CDH18: variants seen among roughly 807,000 people sequenced by gnomAD.
CDH18 encodes the protein cadherin 18.
In CDH18, 31 loss-of-function variants were observed where a neutral mutation model predicts 67.9. That is an observed-to-expected ratio of 0.46 (90% CI 0.34 to 0.62). CDH18 has a LOEUF of 0.62. CDH18 is among the 20% of genes least tolerant of loss of function. CDH18 has a pLI of 0.01. For synonymous variants in CDH18, 362 were observed against 347.2 expected, an observed-to-expected ratio of 1.04 and a Z score of -0.48; for missense variants, 890 against 975.5, an observed-to-expected ratio of 0.91 and a Z score of 1.17.
intron 1 of CDH18, among the ~76,000 whole-genome samples, chr5:20,488,673 T>TTTTA (rs1435006497): frequency 1.6e-5 from 2 of 126,974 alleles, no homozygotes; most frequent in Non-Finnish European, 3.4e-5. Context: ...GGGTAGTGTT[T>TTTTA]TATATATATA....
intron 1 of CDH18, among the ~76,000 whole-genome samples, chr5:20,285,009 A>T (rs1468597866): frequency 2.0e-5 from 3 of 151,794 alleles, no homozygotes; most frequent in African/African-American, 7.2e-5. Flanking sequence ...AAGTCAATAC[A>T]TCATAGAAAT....
intron 2 of CDH18, among the ~76,000 whole-genome samples, chr5:19,919,037 T>C (rs1169145980): frequency 6.6e-6 from 1 of 152,020 alleles, no homozygotes; most frequent in Non-Finnish European, 1.5e-5. Flanking sequence ...GGAGATTGAG[T>C]AAATCACTAA....
rs1478029724 is a variant in CDH18, at chr5:19,661,087, C to T, written c.644-48486G>A. Among the ~76,000 whole-genome samples the T allele has an allele frequency of 2.0e-5, 3 of 151,838 alleles. No homozygotes were observed. The East Asian group carries it at 5.8e-4, about 29-fold the overall frequency. On this transcript the variant is annotated intron_variant, in intron 5 of 12. Coordinates refer to ENST00000382275, the MANE Select transcript of CDH18 (RefSeq NM_004934.5). Reference sequence around the variant, plus strand: ...AAAAGACAAAGATAAAACAGTAGATCTTGTGACAAGCATATCGATTACACC... The same window carrying T: ...AAAAGACAAAGATAAAACAGTAGATTTTGTGACAAGCATATCGATTACACC...
At chr5:20,354,802 A>G (rs1393328930) in intron 1 of CDH18, among the ~76,000 whole-genome samples, 1 of 152,204 alleles carries the variant, frequency 6.6e-6, no homozygotes, top group Non-Finnish European at 1.5e-5. Flanking sequence ...TGAAAGGACA[A>G]TCAGAGATCT....
At chr5:20,546,068 C>A (rs1757325669) in intron 1 of CDH18, among the ~76,000 whole-genome samples, 1 of 152,134 alleles carries the variant, frequency 6.6e-6, no homozygotes, top group Admixed American at 6.6e-5. Flanking sequence ...CCACAGATCT[C>A]TAGGGTGGGG....
intron 1 of CDH18, among the ~76,000 whole-genome samples, chr5:20,415,724 A>G (rs1159937363): frequency 6.6e-6 from 1 of 152,088 alleles, no homozygotes; most frequent in African/African-American, 2.4e-5. Flanking sequence ...AGTGGCTGAG[A>G]TTGCGCCACT....
intron 2 of CDH18, among the ~76,000 whole-genome samples, chr5:20,055,030 C>T (rs370848831): frequency 3.3e-4 from 51 of 152,260 alleles, no homozygotes; most frequent in South Asian, 1.5e-3. Context: ...ATTGCAACAT[C>T]ATCATCTATA....
intron 9 of CDH18, among the ~76,000 whole-genome samples, chr5:19,539,426 A>G (rs1749898635): frequency 6.6e-6 from 1 of 152,240 alleles, no homozygotes; most frequent in African/African-American, 2.4e-5. Context: ...CATAATTTTC[A>G]TGAATGCATG....
At chr5:20,327,028 G>T (rs541656502) in intron 1 of CDH18, among the ~76,000 whole-genome samples, 2 of 152,144 alleles carry the variant, frequency 1.3e-5, no homozygotes, top group African/African-American at 2.4e-5. Flanking sequence ...TTACATGTAC[G>T]ATTGATATTC....
intron 3 of CDH18, among the ~76,000 whole-genome samples, chr5:19,825,635 G>A (rs1780330711): frequency 6.6e-6 from 1 of 151,720 alleles, no homozygotes; most frequent in Non-Finnish European, 1.5e-5. Flanking sequence ...TCAAGATCCA[G>A]GGGCAAACTA....
At chr5:19,523,353 T>C (rs1330858194) in intron 9 of CDH18, among the ~76,000 whole-genome samples, 2 of 152,110 alleles carry the variant, frequency 1.3e-5, no homozygotes, top group Non-Finnish European at 2.9e-5. Flanking sequence ...CACTAAAACA[T>C]GATTTCTTAC....
At chr5:19,848,840 TA>T (rs1368244104) in intron 2 of CDH18, among the ~76,000 whole-genome samples, 1 of 150,174 alleles carries the variant, frequency 6.7e-6, no homozygotes, top group Admixed American at 6.7e-5. Context: ...TGATAGCATA[TA>T]AAATGCTATA....
At chr5:20,528,956 T>G (rs867367522) in intron 1 of CDH18, among the ~76,000 whole-genome samples, 1 of 125,192 alleles carries the variant, frequency 8.0e-6, no homozygotes. Context: ...ATCCAGGAGC[T>G]GGTTTTGTGA....
intron 1 of CDH18, among the ~76,000 whole-genome samples, chr5:20,344,868 A>T (rs1486246445): frequency 6.6e-6 from 1 of 152,136 alleles, no homozygotes. Context: ...TATGGGGCCT[A>T]TTGACATTCT....
chr5:20,286,709 G>A (rs753862990), intron 1 of CDH18, among the ~76,000 whole-genome samples: 2 of 151,668 alleles, frequency 1.3e-5, no homozygotes, highest in African/African-American at 4.8e-5. Flanking sequence ...ATTCCAGAGA[G>A]AGAAGTGACT....
intron 1 of CDH18, among the ~76,000 whole-genome samples, chr5:20,521,207 A>T (rs1306798408): frequency 2.6e-5 from 4 of 152,166 alleles, no homozygotes; most frequent in South Asian, 2.1e-4. Context: ...AAAGGAGCAT[A>T]GAGCAAATTC....
intron 2 of CDH18, among the ~76,000 whole-genome samples, chr5:20,093,948 A>G (rs971840719): frequency 1.3e-5 from 2 of 152,182 alleles, no homozygotes; most frequent in African/African-American, 4.8e-5. Flanking sequence ...TCCCATACCC[A>G]ATTCTCCAGT....
At chr5:19,677,695 TA>T (rs201006874) in intron 5 of CDH18, among the ~76,000 whole-genome samples, 60 of 141,460 alleles carry the variant, frequency 4.2e-4, no homozygotes, top group Admixed American at 4.2e-4. Context: ...AACCGTAAAC[TA>T]AAAAAAAAAG....
intron 2 of CDH18, among the ~76,000 whole-genome samples, chr5:19,911,261 A>T (rs1162628054): frequency 1.3e-5 from 2 of 152,110 alleles, no homozygotes; most frequent in African/African-American, 4.8e-5. Context: ...TCTCATTCTT[A>T]TTACAAAGCT....
Sources: gnomAD v4.1 joint callset for allele counts (sites outside exome capture counted in the v4.1 genomes callset) on GRCh38, gnomAD v4.1.1 for gene constraint, MANE v1.5 for transcripts, NCBI Gene and HGNC (gene_info 2026-07-23, HGNC 2026-07-21) for gene names.